The following FAM107B variants were observed in gnomAD, a reference collection of about 807,000 sequenced individuals.
FAM107B encodes family with sequence similarity 107 member B, also known as protein FAM107B.
In FAM107B, 21 loss-of-function variants were observed where a neutral mutation model predicts 31.5. The ratio of observed to expected loss-of-function variants is 0.67; its 90% CI spans 0.47 to 0.96. The LOEUF (loss-of-function observed/expected upper bound fraction) is 0.96. FAM107B is among the 40% of genes least tolerant of loss of function. FAM107B has a pLI of 0.00. For missense variants in FAM107B, 452 were observed against 377.1 expected, an observed-to-expected ratio of 1.20 and a Z score of -1.64; for synonymous variants, 157 against 141.5, an observed-to-expected ratio of 1.11 and a Z score of -0.78.
chr10:14,728,353 T>TGC (rs1856085420), intron 1 of FAM107B, among the ~76,000 whole-genome samples: 1 of 144,494 alleles, frequency 6.9e-6, no homozygotes, highest in African/African-American at 2.6e-5. Context: ...GTGTGTGTGC[T>TGC]TTTTTTTTTA....
intron 1 of FAM107B, among the ~76,000 whole-genome samples, chr10:14,670,203 C>T (rs991593957): frequency 3.9e-5 from 6 of 152,232 alleles, no homozygotes; most frequent in Admixed American, 1.3e-4. Flanking sequence ...CAAAAATCAT[C>T]TCCAAATATT....
chr10:14,542,985 T>C (rs1380399554), intron 2 of FAM107B, among the ~76,000 whole-genome samples: 1 of 152,252 alleles, frequency 6.6e-6, no homozygotes, highest in Non-Finnish European at 1.5e-5. Context: ...ATGGAAATCC[T>C]GCCCAATTAA....
intron 1 of FAM107B, among the ~76,000 whole-genome samples, chr10:14,719,526 C>T (rs979926730): frequency 5.3e-5 from 8 of 152,164 alleles, no homozygotes; most frequent in Non-Finnish European, 1.0e-4. Flanking sequence ...AGGGAACACA[C>T]GCCGGTCATT....
chr10:14,746,522 G>C (rs1832729693), intron 1 of FAM107B, among the ~76,000 whole-genome samples: 1 of 152,172 alleles, frequency 6.6e-6, no homozygotes, highest in African/African-American at 2.4e-5. Context: ...TTGCTTGTCT[G>C]AAAAGGATTT....
chr10:14,634,525 G>A (rs1564609110), intron 2 of FAM107B, among the ~76,000 whole-genome samples: 1 of 152,056 alleles, frequency 6.6e-6, no homozygotes, highest in Non-Finnish European at 1.5e-5. Context: ...TAGAGGGAAA[G>A]TTGATGAAAT....
At chr10:14,695,444 C>G (rs1160028204) in intron 1 of FAM107B, among the ~76,000 whole-genome samples, 1 of 152,144 alleles carries the variant, frequency 6.6e-6, no homozygotes. Context: ...GCCTCCAGTT[C>G]TTTCTGAAGA....
chr10:14,706,453 C>T (rs1855522874), intron 1 of FAM107B, among the ~76,000 whole-genome samples: 1 of 152,114 alleles, frequency 6.6e-6, no homozygotes, highest in East Asian at 1.9e-4. Context: ...GTCTTGAACT[C>T]CTGGCCTCAA....
intron 1 of FAM107B, among the ~76,000 whole-genome samples, chr10:14,685,870 C>T (rs371597124): frequency 5.9e-5 from 9 of 152,216 alleles, no homozygotes; most frequent in East Asian, 3.9e-4. Flanking sequence ...ATGGCTGGGG[C>T]GGCCTCACAA....
intron 1 of FAM107B, among the ~76,000 whole-genome samples, chr10:14,697,904 A>T (rs1465920717): frequency 6.6e-6 from 1 of 152,164 alleles, no homozygotes; most frequent in Non-Finnish European, 1.5e-5. Context: ...GCAGGTGGAT[A>T]ACTTGAGATC....
chr10:14,608,794 T>A (rs1255007279), intron 2 of FAM107B, among the ~76,000 whole-genome samples: 1 of 152,204 alleles, frequency 6.6e-6, no homozygotes, highest in Non-Finnish European at 1.5e-5. Flanking sequence ...GAGACCCCCC[T>A]TGATGGTAGA....
At chr10:14,641,935 G>T (rs1269260780) in intron 2 of FAM107B, among the ~76,000 whole-genome samples, 1 of 152,126 alleles carries the variant, frequency 6.6e-6, no homozygotes, top group African/African-American at 2.4e-5. Context: ...AAAGTCCAAA[G>T]CCTCCTTTAA....
At chr10:14,752,985 T>C (rs1832859951) in intron 1 of FAM107B, among the ~76,000 whole-genome samples, 1 of 151,776 alleles carries the variant, frequency 6.6e-6, no homozygotes, top group African/African-American at 2.4e-5. Context: ...GCACATTGTA[T>C]AAGAGAAATG....
chr10:14,550,955 A>T (rs551952635), intron 2 of FAM107B, among the ~76,000 whole-genome samples: 1 of 152,366 alleles, frequency 6.6e-6, no homozygotes, highest in South Asian at 2.1e-4. Flanking sequence ...ATGTAACAAG[A>T]AAATACAGAT....
chr10:14,622,940 A>G (rs1360530019), intron 2 of FAM107B, among the ~76,000 whole-genome samples: 1 of 152,170 alleles, frequency 6.6e-6, no homozygotes, highest in Non-Finnish European at 1.5e-5. Context: ...CACAATTTCT[A>G]GTTTGCCTCT....
chr10:14,613,481 C>G (rs367927666), intron 2 of FAM107B, among the ~76,000 whole-genome samples: 1 of 152,164 alleles, frequency 6.6e-6, no homozygotes, highest in South Asian at 2.1e-4. Flanking sequence ...CTTACTTACC[C>G]CATGCCTCCT....
chr10:14,603,777 A>C (rs971386458), intron 2 of FAM107B, among the ~76,000 whole-genome samples: 2 of 151,276 alleles, frequency 1.3e-5, no homozygotes, highest in African/African-American at 2.4e-5. Context: ...CGCGGGGCAA[A>C]CCTCCCCGGC....
chr10:14,745,928 G>A (rs988613013), intron 1 of FAM107B, among the ~76,000 whole-genome samples: 2 of 152,132 alleles, frequency 1.3e-5, no homozygotes, highest in Non-Finnish European at 2.9e-5. Flanking sequence ...TATTGCGTAG[G>A]AGTCTAAGTC....
At chr10:14,697,809 A>G (rs1855302212) in intron 1 of FAM107B, among the ~76,000 whole-genome samples, 1 of 152,104 alleles carries the variant, frequency 6.6e-6, no homozygotes, top group Non-Finnish European at 1.5e-5. Context: ...CCCAGCCCCA[A>G]CTCAACTTTT....
intron 1 of FAM107B, among the ~76,000 whole-genome samples, chr10:14,769,863 G>A (rs999476207): frequency 6.6e-6 from 1 of 152,218 alleles, no homozygotes; most frequent in African/African-American, 2.4e-5. Context: ...TGCTTAGTGT[G>A]TGAACTCTCC....
Sources: gnomAD v4.1 joint callset for allele counts (sites outside exome capture counted in the v4.1 genomes callset) on GRCh38, gnomAD v4.1.1 for gene constraint, MANE v1.5 for transcripts, NCBI Gene and HGNC (gene_info 2026-07-23, HGNC 2026-07-21) for gene names.